FAR2: variants seen among roughly 807,000 people sequenced by gnomAD.
The protein encoded by FAR2 is fatty acyl-CoA reductase 2.
A neutral mutation model predicts 56.0 loss-of-function variants in FAR2; 19 were observed. The ratio of observed to expected loss-of-function variants is 0.34; its 90% CI spans 0.24 to 0.50. The LOEUF (loss-of-function observed/expected upper bound fraction) is 0.50. Ranked by LOEUF, FAR2 falls within the 20% of genes least tolerant of loss-of-function variation. The probability of loss-of-function intolerance (pLI) is 0.98; values close to 1 mark genes in which losing one functional copy is unlikely to be tolerated. For missense variants in FAR2, 508 were observed against 642.2 expected (o/e 0.79, Z 2.26); for synonymous variants, 219 against 218.8 (o/e 1.00, Z -0.01).
chr12:29,176,641 A>G (rs944963428), intron 1 of FAR2, among the ~76,000 whole-genome samples: 2 of 152,240 alleles, frequency 1.3e-5, no homozygotes, highest in African/African-American at 4.8e-5. Flanking sequence ...AGTCAAAATT[A>G]CTCAGTGGCT....
chr12:29,331,543 T>G (rs1949732720), intron 10 of FAR2: 1 of 152,162 alleles, frequency 6.6e-6, no homozygotes, highest in Non-Finnish European at 1.5e-5. Context: ...TTCTTGACAC[T>G]CTTTCTACTA....
intron 1 of FAR2, among the ~76,000 whole-genome samples, chr12:29,269,053 T>C (rs1948568580): frequency 6.6e-6 from 1 of 152,182 alleles, no homozygotes; most frequent in Admixed American, 6.5e-5. Context: ...TTGTCATTGA[T>C]AACATCTTAT....
At chr12:29,323,027 C>T (rs1266042361) in intron 10 of FAR2, among the ~76,000 whole-genome samples, 1 of 152,240 alleles carries the variant, frequency 6.6e-6, no homozygotes, top group Non-Finnish European at 1.5e-5. Flanking sequence ...CTGCGTCGCT[C>T]ACGCTGGTAG....
At chr12:29,167,735 A>C (rs7960837) in intron 1 of FAR2, among the ~76,000 whole-genome samples, 151,522 of 152,330 alleles carry the variant, frequency 0.99, 75,366 homozygotes, top group Middle Eastern at 1. Context: ...CAACAGTTCA[A>C]GAATTATCCT....
chr12:29,213,119 ATC>A (rs1052416895), intron 1 of FAR2, among the ~76,000 whole-genome samples: 10 of 152,020 alleles, frequency 6.6e-5, no homozygotes, highest in Non-Finnish European at 1.3e-4. Flanking sequence ...CCTACAGAAT[ATC>A]TCTGCCTTGT....
intron 1 of FAR2, among the ~76,000 whole-genome samples, chr12:29,249,101 T>C (rs1260741429): frequency 6.6e-6 from 1 of 152,176 alleles, no homozygotes; most frequent in Non-Finnish European, 1.5e-5. Flanking sequence ...GAGATTAAAG[T>C]AAAGACAGGC....
intron 10 of FAR2, among the ~76,000 whole-genome samples, chr12:29,328,728 A>T (rs1220559753): frequency 1.5e-4 from 16 of 109,514 alleles, no homozygotes; most frequent in Non-Finnish European, 2.4e-4. Context: ...AACATCACAC[A>T]CCGGGGCCTG....
rs534993428 is a variant in FAR2 at position 29,189,163 on chromosome 12, A to G, written c.-39+39756A>G. On this transcript the variant is annotated intron_variant, in intron 1 of 11. Coordinates refer to ENST00000536681, the MANE Select transcript of FAR2 (RefSeq NM_001271783.2). Reference sequence around the variant, plus strand: ...ATCTCCCGGAAAGGGGAACAGCCACATTTATTATTTGAAATTCTCCTGTAT... The same window carrying G: ...ATCTCCCGGAAAGGGGAACAGCCACGTTTATTATTTGAAATTCTCCTGTAT... 8.3e-4 allele frequency among the ~76,000 whole-genome samples: 126 copies of G among 152,294 alleles called. 1 individual carries two copies. Among genetic ancestry groups the G allele is most frequent in the African/African-American group, 2.9e-3 (119 of 41,550 alleles).
chr12:29,259,978 G>A (rs1367398380), intron 1 of FAR2, among the ~76,000 whole-genome samples: 1 of 152,158 alleles, frequency 6.6e-6, no homozygotes, highest in African/African-American at 2.4e-5. Context: ...AATATGAAAG[G>A]AGGCCATGAC....
chr12:29,314,452 G>A (rs557338744), intron 8 of FAR2, among the ~76,000 whole-genome samples: 168 of 127,886 alleles, frequency 1.3e-3, no homozygotes, highest in Non-Finnish European at 2.2e-3. Flanking sequence ...TTTTTTATCT[G>A]TCAATGAGAA....
intron 2 of FAR2, chr12:29,277,494 CA>C (rs1281389096): frequency 1.3e-5 from 2 of 152,142 alleles, no homozygotes; most frequent in African/African-American, 2.4e-5. Flanking sequence ...ATAAAACAGG[CA>C]TGGAATTGGC....
At chr12:29,164,512 G>A (rs1949809328) in intron 1 of FAR2, among the ~76,000 whole-genome samples, 1 of 152,140 alleles carries the variant, frequency 6.6e-6, no homozygotes, top group Non-Finnish European at 1.5e-5. Context: ...CCCTCACAGG[G>A]TGTGATATTG....
At chr12:29,288,917 AT>A (rs2136742017) in intron 2 of FAR2, among the ~76,000 whole-genome samples, 1 of 152,300 alleles carries the variant, frequency 6.6e-6, no homozygotes, top group African/African-American at 2.4e-5. Flanking sequence ...TTACAAAGAA[AT>A]TTTTTAAAAA....
At chr12:29,202,402 A>G (rs1947427351) in intron 1 of FAR2, among the ~76,000 whole-genome samples, 1 of 152,248 alleles carries the variant, frequency 6.6e-6, no homozygotes, top group Non-Finnish European at 1.5e-5. Flanking sequence ...TCAAATGGAC[A>G]TTTATTTAAC....
intron 8 of FAR2, among the ~76,000 whole-genome samples, chr12:29,313,727 TA>T (rs1949393635): frequency 6.6e-6 from 1 of 152,180 alleles, no homozygotes; most frequent in Non-Finnish European, 1.5e-5. Flanking sequence ...TTTTTTGTCC[TA>T]AACTGTATTT....
intron 4 of FAR2, chr12:29,301,842 T>G (rs1457218987): frequency 6.6e-6 from 1 of 152,174 alleles, no homozygotes; most frequent in East Asian, 1.9e-4. Flanking sequence ...AGTAACTCCT[T>G]GAAAGTCTCT....
chr12:29,319,374 T>C (rs1048171413), intron 9 of FAR2, among the ~76,000 whole-genome samples: 2 of 152,186 alleles, frequency 1.3e-5, no homozygotes, highest in Middle Eastern at 3.2e-3. Flanking sequence ...GTCAAACTCA[T>C]AAGGAATGAC....
chr12:29,157,142 A>ATATATATATATATATATG (rs1289279461), intron 1 of FAR2, among the ~76,000 whole-genome samples: 8 of 137,780 alleles, frequency 5.8e-5, no homozygotes, highest in African/African-American at 2.2e-4. Flanking sequence ...ATATATATAT[A>ATATATATATATATATATG]TATGTATCAA....
intron 1 of FAR2, among the ~76,000 whole-genome samples, chr12:29,162,523 T>C (rs1229635721): frequency 6.6e-6 from 1 of 152,202 alleles, no homozygotes; most frequent in East Asian, 1.9e-4. Flanking sequence ...ACCTAATTTC[T>C]GGTCTAATAG....
Sources: gnomAD v4.1 joint callset for allele counts (sites outside exome capture counted in the v4.1 genomes callset) on GRCh38, gnomAD v4.1.1 for gene constraint, MANE v1.5 for transcripts, NCBI Gene and HGNC (gene_info 2026-07-23, HGNC 2026-07-21) for gene names.